NAV1: variants seen among roughly 807,000 people sequenced by gnomAD.
NAV1 encodes the protein pore membrane and/or filament interacting like protein 3.
In NAV1, 18 loss-of-function variants were observed where a neutral mutation model predicts 175.2. The observed-to-expected ratio is 0.10, with a 90% CI of 0.07 to 0.15. NAV1 has a LOEUF of 0.15. Among genes scored for constraint, NAV1 ranks in the 10% least tolerant of loss-of-function variants. The pLI is 1.00. For synonymous variants in NAV1, 897 were observed against 978.7 expected (o/e 0.92, Z 1.56); for missense variants, 1,731 against 2,436.6 (o/e 0.71, Z 6.10).
intron 29 of NAV1, among the ~76,000 whole-genome samples, chr1:201,818,712 G>A (rs778894318): frequency 5.6e-4 from 85 of 152,158 alleles, no homozygotes; most frequent in Middle Eastern, 3.2e-3. Flanking sequence ...TCCGCTGGTG[G>A]GAGTGGTTGT....
chr1:201,686,897 T>A lies in NAV1; in HGVS notation c.758-25920T>A, dbSNP rs1571884070. On this transcript the variant is annotated intron_variant, in intron 1 of 29. Transcript: ENST00000367296. The stretch of plus-strand genomic sequence containing the variant: ...AGGAGGAGGCTCACTTTTGCTGCCA[T>A]TGCAAAAACCTCGAGCAGCAGCTGC... Among the ~76,000 whole-genome samples, 2 of 152,222 alleles carry A rather than the reference T, an allele frequency of 1.3e-5. 1 individual carries two copies. The highest frequency in any genetic ancestry group is 1.3e-4 in the Admixed American group (2 of 15,284).
At chr1:201,592,416 T>C (rs965468056) in intron 2 of NAV1, among the ~76,000 whole-genome samples, 3 of 152,134 alleles carry the variant, frequency 2.0e-5, no homozygotes, top group African/African-American at 7.2e-5. Flanking sequence ...CCACCCCTCA[T>C]TTTGTTGAAG....
intron 24 of NAV1, among the ~76,000 whole-genome samples, chr1:201,811,204 C>T (rs1231336526): frequency 6.6e-6 from 1 of 152,146 alleles, no homozygotes; most frequent in Non-Finnish European, 1.5e-5. Context: ...GGAAGAAGCA[C>T]TCAGAATTAA....
Position 201,810,659 on chromosome 1 carries a change from C to T in NAV1, c.4698C>T (p.Tyr1566=), listed in dbSNP as rs765912932. The stretch of plus-strand genomic sequence containing the variant: ...GCCCCAGCGGCACGGGCAAGACCTA[C>T]CTGACCAATCGCTTGGCCGAGTACC... Residue 1566 remains tyrosine (Y), a synonymous_variant, in exon 24 of 30, where the codon TAC becomes TAT. Coordinates refer to ENST00000367296, the Ensembl canonical transcript of NAV1. The surrounding 1 kb of genome is among the most constrained non-coding windows in gnomAD (Gnocchi z 6.0). The T allele has an allele frequency of 1.1e-5, 17 of 1,614,038 alleles. No individual in the cohort carries two copies. The highest frequency in any genetic ancestry group is 1.4e-5 in the Non-Finnish European group (16 of 1,180,036).
intron 3 of NAV1, among the ~76,000 whole-genome samples, chr1:201,732,765 T>G (rs1484795644): frequency 1.3e-5 from 2 of 152,332 alleles, no homozygotes; most frequent in East Asian, 3.9e-4. Flanking sequence ...GGCATTGCTC[T>G]TAAACTCATG....
At chr1:201,627,445 G>T (rs1311456068) in intron 1 of NAV1, among the ~76,000 whole-genome samples, 4 of 151,854 alleles carry the variant, frequency 2.6e-5, no homozygotes, top group African/African-American at 9.7e-5. Flanking sequence ...GCTAATTTTT[G>T]TATTTTTAGT....
At chr1:201,670,119 C>T (rs962157421) in intron 1 of NAV1, among the ~76,000 whole-genome samples, 10 of 151,566 alleles carry the variant, frequency 6.6e-5, no homozygotes, top group African/African-American at 2.4e-4. Flanking sequence ...GGGCCGGGTG[C>T]GGTGGCTCAT....
chr1:201,800,300 C>A (rs114936082), intron 15 of NAV1, among the ~76,000 whole-genome samples: 5,430 of 152,218 alleles, frequency 0.036, 173 homozygotes, highest in South Asian at 0.1. Flanking sequence ...CACACCCAGC[C>A]CCTTTATTTT....
chr1:201,784,458 G>T (rs1434891165), intron 7 of NAV1, among the ~76,000 whole-genome samples: 1 of 151,890 alleles, frequency 6.6e-6, no homozygotes, highest in Non-Finnish European at 1.5e-5. Context: ...ACACCTGGCT[G>T]CCCAGAATCT....
chr1:201,574,081 G>A (rs1421868297), intron 1 of NAV1, among the ~76,000 whole-genome samples: 2 of 151,802 alleles, frequency 1.3e-5, no homozygotes, highest in Non-Finnish European at 2.9e-5. Flanking sequence ...AAAAGAACGA[G>A]TCTAAATAAA....
chr1:201,729,744 A>G (rs2102517732), intron 3 of NAV1, among the ~76,000 whole-genome samples: 1 of 152,094 alleles, frequency 6.6e-6, no homozygotes, highest in South Asian at 2.1e-4. Context: ...GTCTCTACTA[A>G]AAATACAAAA....
chr1:201,793,169 G>A (rs1677219560), intron 13 of NAV1: 1 of 152,316 alleles, frequency 6.6e-6, no homozygotes, highest in Non-Finnish European at 1.5e-5. Flanking sequence ...CTCTTATCCA[G>A]AGAGCCCTTT....
Position 201,789,804 on chromosome 1 carries a change from A to T in NAV1, c.3219+12A>T. On this transcript the variant is annotated intron_variant, in intron 11 of 29. Transcript: ENST00000367296. ...CCACCTACTCCTCAGTAAGAGCATTAACTTCTCTTCCCCTCTCATCCCCTC... is the reference window on the plus strand; with the variant it reads ...CCACCTACTCCTCAGTAAGAGCATTTACTTCTCTTCCCCTCTCATCCCCTC... 2 of 1,612,186 alleles carry T rather than the reference A, an allele frequency of 1.2e-6. No homozygotes were observed. Among genetic ancestry groups the T allele is most frequent in the Non-Finnish European group, 8.5e-7 (1 of 1,178,328 alleles).
At chr1:201,758,019 C>T (rs1674622110) in intron 3 of NAV1, among the ~76,000 whole-genome samples, 1 of 152,240 alleles carries the variant, frequency 6.6e-6, no homozygotes, top group Non-Finnish European at 1.5e-5. Flanking sequence ...AGTATGGTGG[C>T]CCCACTTGTG....
chr1:201,561,824 C>T (rs1666208783), intron 1 of NAV1, among the ~76,000 whole-genome samples: 1 of 152,182 alleles, frequency 6.6e-6, no homozygotes, highest in South Asian at 2.1e-4. Context: ...GAACTCCCTG[C>T]AGGCTGGGGC....
chr1:201,819,959 G>GA (rs1426698037), exon 30 of NAV1: 3 of 1,606,482 alleles, frequency 1.9e-6, no homozygotes, highest in Non-Finnish European at 2.6e-6. Flanking sequence ...GTCACCCCCG[G>GA]ACAGCAGAAC....
At chr1:201,569,312 G>A (rs941500121) in intron 1 of NAV1, among the ~76,000 whole-genome samples, 4 of 152,172 alleles carry the variant, frequency 2.6e-5, no homozygotes, top group South Asian at 2.1e-4. Context: ...AGCAGTTCAC[G>A]GCTATAGCAT....
At chr1:201,596,788 G>A (rs915958041) in intron 2 of NAV1, among the ~76,000 whole-genome samples, 6 of 151,920 alleles carry the variant, frequency 3.9e-5, no homozygotes, top group South Asian at 2.1e-4. Flanking sequence ...CAAGCAGGGC[G>A]GGTTGTTTTT....
chr1:201,659,027 A>G (rs1487926595), intron 1 of NAV1, among the ~76,000 whole-genome samples: 1 of 152,196 alleles, frequency 6.6e-6, no homozygotes, highest in Non-Finnish European at 1.5e-5. Context: ...TGTGAGGTGC[A>G]GTGCTCTGCC....
Sources: gnomAD v4.1 joint callset for allele counts (sites outside exome capture counted in the v4.1 genomes callset) on GRCh38, gnomAD v4.1.1 for gene constraint, Gnocchi (gnomAD v3.1) non-coding constraint, MANE v1.5 for transcripts, NCBI Gene and HGNC (gene_info 2026-07-23, HGNC 2026-07-21) for gene names.